Variants in DLG2 observed in about 807,000 individuals in gnomAD.
The protein encoded by DLG2 is discs large MAGUK scaffold protein 2.
A neutral mutation model predicts 132.5 loss-of-function variants in DLG2; 45 were observed. The ratio of observed to expected loss-of-function variants is 0.34; its 90% CI spans 0.27 to 0.44. The LOEUF (loss-of-function observed/expected upper bound fraction) is 0.44. Ranked by LOEUF, DLG2 falls within the 20% of genes least tolerant of loss-of-function variation. DLG2 has a pLI of 1.00. For missense variants in DLG2, 1,045 were observed against 1,196.9 expected (o/e 0.87, Z 1.87); for synonymous variants, 424 against 419.6 (o/e 1.01, Z -0.13).
intron 22 of DLG2, chr11:83,480,644 A>C (rs1174933688): frequency 1.9e-6 from 3 of 1,552,800 alleles, no homozygotes; most frequent in Non-Finnish European, 1.7e-6. Flanking sequence ...CAAATGAAGA[A>C]AGTATCTTTA....
intron 4 of DLG2, among the ~76,000 whole-genome samples, chr11:85,206,336 C>T (rs972246042): frequency 1.3e-5 from 2 of 152,210 alleles, no homozygotes; most frequent in Admixed American, 6.5e-5. Flanking sequence ...AATGCAAGAA[C>T]AGACTAATAC....
rs147840372 is a variant in DLG2 at position 85,429,449 on chromosome 11, C to T, written c.41-144084G>A. 5.5e-4 allele frequency among the ~76,000 whole-genome samples: 84 copies of T among 152,240 alleles called. No individual in the cohort carries two copies. The East Asian group carries it at 0.015, about 28-fold the overall frequency. On this transcript the variant is annotated intron_variant, in intron 3 of 27. Coordinates refer to ENST00000376104, the MANE Select transcript of DLG2 (RefSeq NM_001142699.3). ...CCTACAGAATGGGAGAAAATTTTTGCTATCTACTCATCTAACAAAGGGCTG... is the reference window on the plus strand; with the variant it reads ...CCTACAGAATGGGAGAAAATTTTTGTTATCTACTCATCTAACAAAGGGCTG...
intron 18 of DLG2, among the ~76,000 whole-genome samples, chr11:83,657,165 C>A (rs1167800435): frequency 2.6e-5 from 4 of 152,180 alleles, no homozygotes; most frequent in Non-Finnish European, 5.9e-5. Flanking sequence ...GCTACAACTC[C>A]AATGAAAACG....
rs748300151 is a variant in DLG2, at chr11:84,510,713, G to A, written c.519+23857C>T. Among the ~76,000 whole-genome samples the A allele has an allele frequency of 4.9e-4, 74 of 152,208 alleles. No homozygotes were observed. In the Middle Eastern group the frequency reaches 0.01, roughly 21 times the overall value. On this transcript the variant is annotated intron_variant, in intron 7 of 27. Transcript: ENST00000376104. ...TAATTATGATATTTAACAGTCATTC[G>A]TTGAAGGAAGACAATGTTTTATTCA... is the stretch of plus-strand genomic sequence containing the variant.
At chr11:84,110,587 G>A (rs1445446841) in intron 9 of DLG2, among the ~76,000 whole-genome samples, 5 of 152,134 alleles carry the variant, frequency 3.3e-5, no homozygotes, top group African/African-American at 1.2e-4. Flanking sequence ...ATGCAAGTCC[G>A]ATCCCAAAGA....
At chr11:84,332,760 C>T (rs143448077) in intron 7 of DLG2, among the ~76,000 whole-genome samples, 235 of 152,276 alleles carry the variant, frequency 1.5e-3, no homozygotes, top group African/African-American at 5.4e-3. Context: ...GGCAGCACAT[C>T]AGAAACAGCA....
At chr11:83,983,841 C>A (rs941984104) in intron 11 of DLG2, among the ~76,000 whole-genome samples, 9 of 152,022 alleles carry the variant, frequency 5.9e-5, no homozygotes, top group African/African-American at 2.2e-4. Flanking sequence ...CATATCAGCT[C>A]ATGTTTCCCA....
intron 5 of DLG2, among the ~76,000 whole-genome samples, chr11:85,134,473 G>A (rs2076001919): frequency 7.6e-6 from 1 of 132,226 alleles, no homozygotes. Context: ...AGCTTGCAGT[G>A]AGCCGAGATC....
At chr11:85,457,697 T>C (rs1200705083) in intron 3 of DLG2, among the ~76,000 whole-genome samples, 8 of 152,200 alleles carry the variant, frequency 5.3e-5, no homozygotes, top group Admixed American at 1.3e-4. Context: ...TTATGAAGTT[T>C]AGTTTGTCTG....
At chr11:85,017,953 G>A (rs900772318) in intron 6 of DLG2, among the ~76,000 whole-genome samples, 10 of 152,108 alleles carry the variant, frequency 6.6e-5, no homozygotes, top group Non-Finnish European at 4.4e-5. Flanking sequence ...GGAACACGGG[G>A]CCTTCATTTC....
Position 83,828,555 on chromosome 11 carries a change from T to C in DLG2, c.1722+5059A>G, listed in dbSNP as rs374765086. 3.9e-5 allele frequency among the ~76,000 whole-genome samples: 6 copies of C among 152,308 alleles called. No homozygotes were observed. In the East Asian group the frequency reaches 1.2e-3, roughly 29 times the overall value. On this transcript the variant is annotated intron_variant, in intron 17 of 27. Transcript: ENST00000376104. ...AGGTAAACATGTTTTTTAGAAGTTC[T>C]TCATTGAAGAAGCCTGTACAAATGA... is the stretch of plus-strand genomic sequence containing the variant.
intron 6 of DLG2, among the ~76,000 whole-genome samples, chr11:84,688,948 A>G (rs185992254): frequency 6.1e-4 from 93 of 152,246 alleles, no homozygotes; most frequent in African/African-American, 2.2e-3. Context: ...AAATCAACTG[A>G]TCCTGAATTT....
intron 15 of DLG2, among the ~76,000 whole-genome samples, chr11:83,914,154 T>C (rs750292905): frequency 6.6e-6 from 1 of 152,098 alleles, no homozygotes; most frequent in Non-Finnish European, 1.5e-5. Context: ...AGAGGTGTTT[T>C]GGTTGTGGGG....
At chr11:84,104,409 G>A (rs1419707742) in intron 9 of DLG2, among the ~76,000 whole-genome samples, 1 of 151,960 alleles carries the variant, frequency 6.6e-6, no homozygotes, top group Non-Finnish European at 1.5e-5. Context: ...AATAGATACT[G>A]GGAAATATAA....
intron 7 of DLG2, among the ~76,000 whole-genome samples, chr11:84,276,789 G>C (rs922437063): frequency 6.6e-6 from 1 of 152,174 alleles, no homozygotes; most frequent in Non-Finnish European, 1.5e-5. Flanking sequence ...CTTTCTGCTG[G>C]TGAATGGTTT....
intron 4 of DLG2, among the ~76,000 whole-genome samples, chr11:85,165,077 A>G (rs1255924043): frequency 2.0e-5 from 3 of 152,204 alleles, no homozygotes; most frequent in Admixed American, 1.3e-4. Context: ...GATCTAGTTA[A>G]CAAATGTTAA....
intron 6 of DLG2, among the ~76,000 whole-genome samples, chr11:84,956,100 C>A (rs544161201): frequency 6.6e-6 from 1 of 152,274 alleles, no homozygotes; most frequent in Admixed American, 6.5e-5. Flanking sequence ...ATCTCTAAAT[C>A]CCGCCTGTCT....
At chr11:84,593,047 A>AGATGGAG (rs1342676086) in intron 6 of DLG2, among the ~76,000 whole-genome samples, 5 of 146,670 alleles carry the variant, frequency 3.4e-5, no homozygotes, top group Admixed American at 6.8e-5. Context: ...TGAACCCAGG[A>AGATGGAG]GATGGAGGTT....
chr11:85,388,341 C>T (rs1163044472), intron 3 of DLG2, among the ~76,000 whole-genome samples: 1 of 152,134 alleles, frequency 6.6e-6, no homozygotes, highest in Non-Finnish European at 1.5e-5. Context: ...TTAACCCTGT[C>T]CCCACCTGAT....
Sources: gnomAD v4.1 joint callset for allele counts (sites outside exome capture counted in the v4.1 genomes callset) on GRCh38, gnomAD v4.1.1 for gene constraint, MANE v1.5 for transcripts, NCBI Gene and HGNC (gene_info 2026-07-23, HGNC 2026-07-21) for gene names.